Variants in RREB1 observed in about 807,000 individuals in gnomAD.
The protein encoded by RREB1 is ras responsive element binding protein 1.
RREB1 carries 27 observed loss-of-function variants against 117.8 expected under a neutral mutation model. The observed-to-expected ratio is 0.23, with a 90% CI of 0.17 to 0.32. The LOEUF (loss-of-function observed/expected upper bound fraction) is 0.32. Ranked by LOEUF, RREB1 falls within the 10% of genes least tolerant of loss-of-function variation. The pLI, the probability that RREB1 is intolerant of heterozygous loss-of-function variation, is 1.00. For missense variants in RREB1, 2,577 were observed against 2,378.2 expected (o/e 1.08, Z -1.74); for synonymous variants, 1,298 against 1,026.7 (o/e 1.26, Z -5.05).
rs60940908 is a variant in RREB1 at position 7,249,799 on chromosome 6, A to ATATTATTAT, written c.*849_*857dup. Reference sequence around the variant, plus strand: ...TTCCCTTTCAGTATATGTATTATTAATATTATTATTATTATTATTATTATT... The same window carrying ATATTATTAT: ...TTCCCTTTCAGTATATGTATTATTAATATTATTATTATTATTATTATTATTATTATTATT... On this transcript the variant is annotated 3_prime_UTR_variant, in exon 13 of 13. Coordinates refer to ENST00000379938, the MANE Select transcript of RREB1 (RefSeq NM_001003699.4). 2.0e-5 allele frequency: 3 copies of ATATTATTAT among 150,356 alleles called. No homozygotes were observed. Among genetic ancestry groups the ATATTATTAT allele is most frequent in the South Asian group, 2.1e-4 (1 of 4,770 alleles). 9.3% of individuals were successfully genotyped at this position (150,356 alleles called of 1,614,324 possible). A position where few individuals can be genotyped will look rare whatever the true frequency, so the allele number is the denominator to read the frequency against.
At position 7,249,771 on chromosome 6, in the gene RREB1, C is replaced by T. The variant is rs558889464; in HGVS notation, c.*803C>T. Reference sequence around the variant, plus strand: ...CGGATAGGATATATTTGATTGCCTCCTCTTCCCTTTCAGTATATGTATTAT... The same window carrying T: ...CGGATAGGATATATTTGATTGCCTCTTCTTCCCTTTCAGTATATGTATTAT... On this transcript the variant is annotated 3_prime_UTR_variant, in exon 13 of 13. Transcript: ENST00000379938. 5 of 152,056 alleles carry T rather than the reference C, an allele frequency of 3.3e-5. No individual in the cohort carries two copies. Among genetic ancestry groups the T allele is most frequent in the Non-Finnish European group, 4.4e-5 (3 of 67,978 alleles). 9.4% of individuals were successfully genotyped at this position (152,056 alleles called of 1,614,324 possible).
intron 11 of RREB1, among the ~76,000 whole-genome samples, chr6:7,243,238 A>C (rs1768820578): frequency 6.6e-6 from 1 of 152,222 alleles, no homozygotes; most frequent in South Asian, 2.1e-4. Context: ...TTAGGTTGGT[A>C]GTCTGTCACA....
intron 8 of RREB1, among the ~76,000 whole-genome samples, chr6:7,226,148 G>A (rs1767573495): frequency 6.6e-6 from 1 of 152,208 alleles, no homozygotes; most frequent in African/African-American, 2.4e-5. Flanking sequence ...CGAGGCGAGA[G>A]CGAGCAGGTC....
chr6:7,154,111 C>T (rs1396983610), intron 1 of RREB1, among the ~76,000 whole-genome samples: 1 of 152,232 alleles, frequency 6.6e-6, no homozygotes, highest in Non-Finnish European at 1.5e-5. Context: ...GAGCAGTGAG[C>T]ATCTTTGCTT....
chr6:7,177,359 CTTT>C (rs1173335344), intron 2 of RREB1, among the ~76,000 whole-genome samples: 1 of 145,068 alleles, frequency 6.9e-6, no homozygotes, highest in African/African-American at 2.5e-5. Flanking sequence ...ACATCTCTCT[CTTT>C]TTTTTTTTCC....
In RREB1 at chr6:7,176,359, C is replaced by T. The variant is rs570614394; in HGVS notation, c.-284-296C>T. 1.2e-3 allele frequency among the ~76,000 whole-genome samples: 181 copies of T among 152,294 alleles called. 1 individual carries two copies. Among genetic ancestry groups the T allele is most frequent in the Non-Finnish European group, 1.9e-3 (126 of 68,016 alleles). On this transcript the variant is annotated intron_variant, in intron 1 of 12. Transcript: ENST00000379938. Reference sequence around the variant, plus strand: ...CATTAGGATGCACGAAGCTCCCCCCCGGAGCCAGTGGTCCGAGCCATTCTC... The same window carrying T: ...CATTAGGATGCACGAAGCTCCCCCCTGGAGCCAGTGGTCCGAGCCATTCTC...
rs754327803 is a variant in RREB1, at chr6:7,226,694, C to T, written c.897+38C>T. 1.6e-5 allele frequency: 24 copies of T among 1,515,848 alleles called. No homozygotes were observed. In the East Asian group the frequency reaches 3.2e-4, roughly 20 times the overall value. 93.9% of individuals were successfully genotyped at this position (1,515,848 alleles called of 1,614,324 possible). On this transcript the variant is annotated intron_variant, in intron 9 of 12. Coordinates refer to ENST00000379938, the MANE Select transcript of RREB1 (RefSeq NM_001003699.4). ...GCCCATGGAAGCAACCAGCAACTGC[C>T]TTCCATGGTCCACACAGTTAGACCA...
chr6:7,209,306 C>T (rs1766451820), intron 6 of RREB1, among the ~76,000 whole-genome samples: 1 of 152,114 alleles, frequency 6.6e-6, no homozygotes, highest in Non-Finnish European at 1.5e-5. Flanking sequence ...AGGTTTGATG[C>T]TAGTTTACAT....
chr6:7,217,385 A>G (rs1401207006), intron 8 of RREB1: 1 of 152,242 alleles, frequency 6.6e-6, no homozygotes, highest in Non-Finnish European at 1.5e-5. Flanking sequence ...GCTTCTCGGC[A>G]GGTATTTCGC....
At chr6:7,168,956 G>C (rs1455314550) in intron 1 of RREB1, among the ~76,000 whole-genome samples, 3 of 152,152 alleles carry the variant, frequency 2.0e-5, no homozygotes, top group African/African-American at 4.8e-5. Flanking sequence ...TATATGTAAA[G>C]TGCCTAGCAT....
chr6:7,125,144 T>C (rs1761853010), intron 1 of RREB1, among the ~76,000 whole-genome samples: 1 of 152,198 alleles, frequency 6.6e-6, no homozygotes, highest in Admixed American at 6.5e-5. Flanking sequence ...TTCAGTGTTT[T>C]GTGGAAGTGA....
chr6:7,236,650 C>CT (rs959785544), intron 10 of RREB1, among the ~76,000 whole-genome samples: 1 of 152,034 alleles, frequency 6.6e-6, no homozygotes, highest in African/African-American at 2.4e-5. Flanking sequence ...AGAAAAGCAA[C>CT]TGCAAGGTTT....
At chr6:7,241,495 G>C (rs995379080) in intron 11 of RREB1, among the ~76,000 whole-genome samples, 2 of 152,166 alleles carry the variant, frequency 1.3e-5, no homozygotes, top group South Asian at 4.1e-4. Context: ...TGGCTGCGAA[G>C]AGATCCCCCC....
chr6:7,125,375 G>A (rs956432889), intron 1 of RREB1, among the ~76,000 whole-genome samples: 4 of 152,182 alleles, frequency 2.6e-5, no homozygotes, highest in African/African-American at 9.6e-5. Flanking sequence ...TTTGCGTGGT[G>A]GGAAATGTCC....
chr6:7,211,126 C>T (rs1283836593), intron 7 of RREB1, among the ~76,000 whole-genome samples, 178 bp downstream of exon 7: 2 of 152,236 alleles, frequency 1.3e-5, no homozygotes, highest in Admixed American at 1.3e-4. Context: ...TGCACTTCCT[C>T]TTGAGCCCCT....
At chr6:7,133,946 T>A (rs1455016505) in intron 1 of RREB1, among the ~76,000 whole-genome samples, 6 of 152,214 alleles carry the variant, frequency 3.9e-5, no homozygotes, top group Non-Finnish European at 8.8e-5. Flanking sequence ...CCATATGTTT[T>A]ACAATTTTAA....
At chr6:7,223,730 TAC>T (rs1410346230) in intron 8 of RREB1, among the ~76,000 whole-genome samples, 2 of 152,124 alleles carry the variant, frequency 1.3e-5, no homozygotes, top group African/African-American at 4.8e-5. Flanking sequence ...CGTACACACA[TAC>T]ACATTCTCAG....
rs974827509 is a variant in RREB1 at position 7,249,311 on chromosome 6, C to T, written c.*343C>T. The T allele has an allele frequency of 1.6e-5, 4 of 252,148 alleles. No individual in the cohort carries two copies. In the East Asian group the frequency reaches 2.3e-4, roughly 14 times the overall value. 15.6% of individuals were successfully genotyped at this position (252,148 alleles called of 1,614,324 possible). A position where few individuals can be genotyped will look rare whatever the true frequency, so the allele number is the denominator to read the frequency against. On this transcript the variant is annotated 3_prime_UTR_variant, in exon 13 of 13. Transcript: ENST00000379938. The stretch of plus-strand genomic sequence containing the variant: ...GAGGACCTCTTCATTTGAGCATTAG[C>T]GTTATTTTGTATTGGTGTGTGTGAG...
At chr6:7,223,635 A>T (rs1767408976) in intron 8 of RREB1, among the ~76,000 whole-genome samples, 2 of 151,732 alleles carry the variant, frequency 1.3e-5, no homozygotes, top group African/African-American at 2.4e-5. Flanking sequence ...TTTTTATCTC[A>T]CCCTTTTAAA....
Sources: allele counts gnomAD v4.1 joint callset (sites outside exome capture counted in the v4.1 genomes callset), GRCh38; gene constraint gnomAD v4.1.1; transcripts MANE v1.5; gene names NCBI Gene and HGNC (gene_info 2026-07-23, HGNC 2026-07-21).